Variants in KIFAP3 observed in about 807,000 individuals in gnomAD.
KIFAP3 encodes the protein kinesin-associated protein 3.
KIFAP3 carries 68 observed loss-of-function variants against 106.5 expected under a neutral mutation model. The observed-to-expected ratio is 0.64, with a 90% confidence interval of 0.53 to 0.78. The LOEUF (loss-of-function observed/expected upper bound fraction) is 0.78, where lower values mean the gene tolerates loss of function less well. KIFAP3 is among the 30% of genes least tolerant of loss of function. KIFAP3 has a pLI of 0.00. For missense variants in KIFAP3, 780 were observed against 941.8 expected, an observed-to-expected ratio of 0.83 and a Z score of 2.25; for synonymous variants, 320 against 311.5, an observed-to-expected ratio of 1.03 and a Z score of -0.29.
intron 7 of KIFAP3, among the ~76,000 whole-genome samples, chr1:170,034,113 G>A (rs1669556709): frequency 6.6e-6 from 1 of 151,702 alleles, no homozygotes; most frequent in South Asian, 2.1e-4. Context: ...CACCTACTAA[G>A]TTACCCGACA....
chr1:170,013,496 T>A lies in KIFAP3; in HGVS notation c.1183+2966A>T, dbSNP rs1553196937. On this transcript the variant is annotated intron_variant, in intron 10 of 19. Transcript: ENST00000361580. The stretch of plus-strand genomic sequence containing the variant: ...TGACATACATATATATATATATATA[T>A]AAAATACATATATATATGTATATTT... Among the ~76,000 whole-genome samples the A allele has an allele frequency of 3.8e-4, 56 of 147,068 alleles. 1 individual carries two copies. Among genetic ancestry groups the A allele is most frequent in the South Asian group, 2.5e-3 (12 of 4,708 alleles).
intron 8 of KIFAP3, among the ~76,000 whole-genome samples, chr1:170,026,765 A>G (rs894936248): frequency 2.0e-5 from 3 of 152,176 alleles, no homozygotes; most frequent in Admixed American, 6.5e-5. Context: ...GCTTCTACCA[A>G]CCATACTGGC....
intron 10 of KIFAP3, among the ~76,000 whole-genome samples, chr1:170,003,237 A>G (rs1667756171): frequency 6.6e-6 from 1 of 152,218 alleles, no homozygotes; most frequent in Admixed American, 6.5e-5. Flanking sequence ...CTCATTATAG[A>G]CCAGTAACAA....
chr1:170,017,590 G>C (rs1009965035), intron 9 of KIFAP3, among the ~76,000 whole-genome samples: 6 of 152,192 alleles, frequency 3.9e-5, no homozygotes. Context: ...CTATAAGACA[G>C]ATCTACATAA....
chr1:170,009,976 C>A (rs1668163199), intron 10 of KIFAP3, among the ~76,000 whole-genome samples: 1 of 152,086 alleles, frequency 6.6e-6, no homozygotes, highest in Non-Finnish European at 1.5e-5. Context: ...ATTCAATTTG[C>A]AGATAATCAC....
intron 1 of KIFAP3, among the ~76,000 whole-genome samples, chr1:170,082,925 A>T (rs772297868): frequency 3.9e-5 from 6 of 152,168 alleles, no homozygotes; most frequent in Non-Finnish European, 7.3e-5. Context: ...GTGAGCTGAG[A>T]TCATGCCACT....
chr1:169,960,721 A>G (rs1371151781), intron 18 of KIFAP3, among the ~76,000 whole-genome samples: 1 of 152,152 alleles, frequency 6.6e-6, no homozygotes, highest in African/African-American at 2.4e-5. Flanking sequence ...CAGAAGAAAA[A>G]TGAATATTAC....
chr1:170,044,595 A>G (rs1670147756), intron 3 of KIFAP3, among the ~76,000 whole-genome samples: 1 of 152,212 alleles, frequency 6.6e-6, no homozygotes, highest in South Asian at 2.1e-4. Flanking sequence ...GCAATGTCAG[A>G]AACAGTCTAA....
intron 19 of KIFAP3, among the ~76,000 whole-genome samples, chr1:169,936,308 A>C (rs629593): frequency 0.94 from 141,945 of 151,782 alleles, 66,463 homozygotes; most frequent in East Asian, 0.99. Context: ...ACATTTATAT[A>C]AAGCTCCTTG....
chr1:169,983,481 A>G, intron 12 of KIFAP3, 99 bp from the exon 13 acceptor site: 1 of 718,698 alleles, frequency 1.4e-6, no homozygotes, highest in Non-Finnish European at 2.4e-6. Flanking sequence ...CATCTAGTAA[A>G]ATGCATAACT....
chr1:169,942,704 A>T (rs1252314877), intron 19 of KIFAP3, among the ~76,000 whole-genome samples: 2 of 152,210 alleles, frequency 1.3e-5, no homozygotes, highest in Non-Finnish European at 2.9e-5. Flanking sequence ...CAGAAAGATC[A>T]AAGCCATGGA....
intron 1 of KIFAP3, among the ~76,000 whole-genome samples, chr1:170,060,131 A>C (rs1671060984): frequency 6.6e-6 from 1 of 151,826 alleles, no homozygotes. Context: ...CTCTCTCACC[A>C]CTCCTATTCA....
intron 17 of KIFAP3, among the ~76,000 whole-genome samples, chr1:169,965,986 T>C (rs779568261): frequency 5.3e-5 from 8 of 151,930 alleles, no homozygotes; most frequent in Non-Finnish European, 8.8e-5. Context: ...TTCTCTCTTT[T>C]ATCAGTTTTT....
At chr1:169,939,466 A>C (rs2101805933) in intron 19 of KIFAP3, among the ~76,000 whole-genome samples, 1 of 152,346 alleles carries the variant, frequency 6.6e-6, no homozygotes, top group African/African-American at 2.4e-5. Flanking sequence ...TGATAATTTT[A>C]TTAAACATTC....
At chr1:170,012,254 A>G (rs1346745986) in intron 10 of KIFAP3, among the ~76,000 whole-genome samples, 2 of 152,160 alleles carry the variant, frequency 1.3e-5, no homozygotes, top group Non-Finnish European at 2.9e-5. Flanking sequence ...TTGTATATAA[A>G]AATGAAAAAT....
At chr1:169,961,289 C>G in intron 17 of KIFAP3, 54 bp from the exon 18 acceptor site, 2 of 1,396,348 alleles carry the variant, frequency 1.4e-6, no homozygotes, top group Admixed American at 3.5e-5. Context: ...ACTTGGCACT[C>G]AGACGGCAAT....
intron 1 of KIFAP3, among the ~76,000 whole-genome samples, 172 bp downstream of exon 1, chr1:170,074,264 A>G (rs374048150): frequency 9.5e-4 from 144 of 152,128 alleles, no homozygotes; most frequent in African/African-American, 3.1e-3. Context: ...ACCCCCCCAG[A>G]GCTCTCCTTT....
intron 11 of KIFAP3, among the ~76,000 whole-genome samples, chr1:169,991,145 T>C (rs1309349143): frequency 1.3e-5 from 2 of 151,794 alleles, no homozygotes; most frequent in Admixed American, 1.3e-4. Flanking sequence ...TTTGAGACTA[T>C]CCTGGGCAAG....
chr1:170,057,715 T>C (rs932980411), intron 1 of KIFAP3, among the ~76,000 whole-genome samples: 1 of 152,048 alleles, frequency 6.6e-6, no homozygotes, highest in African/African-American at 2.4e-5. Context: ...GATATTTAAC[T>C]ACTGGGAGGA....
Sources: allele counts gnomAD v4.1 joint callset (sites outside exome capture counted in the v4.1 genomes callset), GRCh38; gene constraint gnomAD v4.1.1; transcripts MANE v1.5; gene names NCBI Gene and HGNC (gene_info 2026-07-23, HGNC 2026-07-21).